Variants in SYNM observed in about 807,000 individuals in gnomAD.
The protein encoded by SYNM is synemin.
In SYNM, 95 loss-of-function variants were observed where a neutral mutation model predicts 104.0. That is an observed-to-expected ratio of 0.91 (90% CI 0.77 to 1.08). The LOEUF (loss-of-function observed/expected upper bound fraction) is 1.08, where lower values mean the gene tolerates loss of function less well. Ranked by LOEUF, SYNM falls within the 50% of genes least tolerant of loss-of-function variation. SYNM has a pLI of 0.00. For missense variants in SYNM, 2,150 were observed against 2,052.2 expected (o/e 1.05, Z -0.92); for synonymous variants, 918 against 869.0 (o/e 1.06, Z -0.99).
chr15:99,113,740 C>T (rs1555483647), intron 2 of SYNM, 25 bp downstream of exon 2: 2 of 1,612,192 alleles, frequency 1.2e-6, no homozygotes, highest in Admixed American at 1.7e-5. Context: ...CTGAGTTGGC[C>T]TTGACGAAGC....
At chr15:99,124,109 A>G (rs1310715297) in intron 2 of SYNM, among the ~76,000 whole-genome samples, 1 of 151,340 alleles carries the variant, frequency 6.6e-6, no homozygotes, top group Non-Finnish European at 1.5e-5. Flanking sequence ...CCCATGACTC[A>G]GGGGATTGGC....
intron 2 of SYNM, among the ~76,000 whole-genome samples, chr15:99,123,304 T>G (rs557615212): frequency 0.092 from 1,198 of 13,028 alleles, 52 homozygotes; most frequent in Admixed American, 0.3. Flanking sequence ...GATTATCTGG[T>G]TTTTTTTTTT....
At chr15:99,106,656 TG>T (rs1446773337) in intron 1 of SYNM, among the ~76,000 whole-genome samples, 1 of 152,134 alleles carries the variant, frequency 6.6e-6, no homozygotes, top group African/African-American at 2.4e-5. Context: ...TGTGGGAAAG[TG>T]GGGCCCTTTG....
chr15:99,126,636 T>C (rs1555485038), intron 2 of SYNM, 86 bp from the exon 3 acceptor site: 1 of 1,290,618 alleles, frequency 7.7e-7, no homozygotes, highest in African/African-American at 1.5e-5. Context: ...CTATGGTCAT[T>C]GGCCGCATAC....
chr15:99,133,202 T>A lies in SYNM; in HGVS notation c.*144T>A. On this transcript the variant is annotated 3_prime_UTR_variant, in exon 4 of 4. Transcript: ENST00000336292. ...AAAGAGTACTCCCGGCATGGTCAAT[T>A]TCCTTTATAGTTAATCCGTAAAGGT... 1 of 1,441,236 alleles carries A rather than the reference T, an allele frequency of 6.9e-7. No homozygotes were observed. The highest frequency in any genetic ancestry group is 2.5e-5 in the East Asian group (1 of 40,288). The allele number at this position is 1,441,236 out of a possible 1,614,324, so 89.3% of individuals were successfully genotyped here. A position where few individuals can be genotyped will look rare whatever the true frequency, so the allele number is the denominator to read the frequency against.
At chr15:99,111,389 T>G (rs2151799666) in intron 1 of SYNM, among the ~76,000 whole-genome samples, 1 of 152,338 alleles carries the variant, frequency 6.6e-6, no homozygotes, top group South Asian at 2.1e-4. Flanking sequence ...ATGAGAACCT[T>G]GTACCTGAAT....
downstream of SYNM, chr15:99,137,851 G>C (rs112221342): frequency 4.8e-5 from 56 of 1,172,708 alleles, no homozygotes; most frequent in Admixed American, 6.2e-4. Flanking sequence ...TGTGGCCCAC[G>C]GGAGGCTTAT....
chr15:99,137,768 C>A, downstream of SYNM: 3 of 553,394 alleles, frequency 5.4e-6, no homozygotes, highest in Non-Finnish European at 9.1e-6. Flanking sequence ...TTCTTGTTGG[C>A]AAGAAAAACC....
chr15:99,111,823 T>A (rs918817435), intron 1 of SYNM, among the ~76,000 whole-genome samples: 7 of 152,286 alleles, frequency 4.6e-5, no homozygotes, highest in African/African-American at 1.7e-4. Context: ...GGCGGGAGGA[T>A]CACCTGAGGT....
At chr15:99,127,501 T>C (rs1399428918) in intron 3 of SYNM, among the ~76,000 whole-genome samples, 2 of 152,152 alleles carry the variant, frequency 1.3e-5, no homozygotes, top group African/African-American at 4.8e-5. Flanking sequence ...ACGTATAGAA[T>C]GTTGAGTTCA....
Position 99,114,082 on chromosome 15 carries a change from G to C in SYNM, c.935+367G>C, listed in dbSNP as rs540923117. 2.1e-5 allele frequency among the ~76,000 whole-genome samples: 3 copies of C among 142,322 alleles called. No homozygotes were observed. The South Asian group carries it at 6.8e-4, about 32-fold the overall frequency. The allele number at this position is 142,322 out of a possible 152,430, so 93.4% of individuals were successfully genotyped here. A position where few individuals can be genotyped will look rare whatever the true frequency, so the allele number is the denominator to read the frequency against. On this transcript the variant is annotated intron_variant, in intron 2 of 3. Coordinates refer to ENST00000336292, the MANE Select transcript of SYNM (RefSeq NM_145728.3). The stretch of plus-strand genomic sequence containing the variant: ...CTCAGAGAAGTTACAGAACTGGAAA[G>C]TGGAGGGCCAGGATGTGTTAGTGTG...
In SYNM at chr15:99,105,482, C is replaced by G. The variant is rs1555482429; in HGVS notation, c.283C>G (p.Leu95Val). 7.4e-7 allele frequency: 1 copy of G among 1,358,710 alleles called. No homozygotes were observed. The highest frequency in any genetic ancestry group is 1.5e-5 in the African/African-American group (1 of 65,338). 84.2% of individuals were successfully genotyped at this position (1,358,710 alleles called of 1,614,324 possible). Residue 95 changes from leucine to valine, a missense_variant, in exon 1 of 4, where the codon CTG becomes GTG. By Grantham distance (32) the Leu-to-Val change is conservative (BLOSUM62 1). Transcript: ENST00000336292. ...RDALRRELRE[L>V]QRLDAEERAA... ...CGCTCTGCGGCGCGAGCTGCGGGAG[C>G]TGCAGCGCCTGGATGCGGAGGAGCG... is the stretch of plus-strand genomic sequence containing the variant.
At chr15:99,110,930 C>T (rs1555483356) in intron 1 of SYNM, among the ~76,000 whole-genome samples, 1 of 152,210 alleles carries the variant, frequency 6.6e-6, no homozygotes. Context: ...AAGTTTTATT[C>T]CACAGCAGGA....
rs2067216944 is a variant in SYNM, at chr15:99,105,138, C to G, written c.-62C>G. The G allele has an allele frequency of 8.5e-6, 13 of 1,522,128 alleles. No individual in the cohort carries two copies. The highest frequency in any genetic ancestry group is 2.0e-5 in the Admixed American group (1 of 51,042). The allele number at this position is 1,522,128 out of a possible 1,614,324, so 94.3% of individuals were successfully genotyped here. On this transcript the variant is annotated 5_prime_UTR_variant, in exon 1 of 4. Coordinates refer to ENST00000336292, the MANE Select transcript of SYNM (RefSeq NM_145728.3). ...GAGCGTCGCGGCGGAGAGGACGAGA[C>G]CGGGACAAGACCAGGGCAGGAGGGA...
chr15:99,137,741 G>A (rs1194662392), downstream of SYNM: 1 of 459,334 alleles, frequency 2.2e-6, no homozygotes, highest in African/African-American at 2.0e-5. Context: ...AGCCACAGTA[G>A]TGCTGATGGG....
Position 99,105,656 on chromosome 15 carries a change from A to C in SYNM, c.457A>C (p.Arg153=), listed in dbSNP as rs11014. The stretch of plus-strand genomic sequence containing the variant: ...CGACGCGGCCCACGAACGCGACGTG[A>C]GGGAGCTGCGCGCGCGCGCCGCCAG... ...GLDAAHERDV[R]ELRARAASLT... The change falls in exon 1 of 4, where the codon AGG becomes CGG. Residue 153 remains arginine, a synonymous_variant. Coordinates refer to ENST00000336292, the MANE Select transcript of SYNM (RefSeq NM_145728.3). 0.34 allele frequency: 476,479 copies of C among 1,404,646 alleles called. 84,670 individuals are homozygous for C. Among genetic ancestry groups the C allele is most frequent in the African/African-American group, 0.61 (39,813 of 65,608 alleles). The allele number at this position is 1,404,646 out of a possible 1,614,324, so 87.0% of individuals were successfully genotyped here.
chr15:99,141,636 C>T, the SYNM span, among the ~76,000 whole-genome samples: 1 of 152,158 alleles, frequency 6.6e-6, no homozygotes, highest in Non-Finnish European at 1.5e-5. Context: ...TGGGGACTTA[C>T]TACTGAAGCC....
rs374365345 is a variant in SYNM, at chr15:99,126,967, A to G, written c.1006+175A>G. 3.0e-4 allele frequency among the ~76,000 whole-genome samples: 46 copies of G among 152,188 alleles called. 3 individuals carry two copies. The highest frequency in any genetic ancestry group is 1.9e-3 in the Admixed American group (29 of 15,284). ...TTTAGTTTAGTGTGACATAATTTCA[A>G]TTATGTGAATGAGAATGTTTGGGAA... On this transcript the variant is annotated intron_variant, in intron 3 of 3. Transcript: ENST00000336292.
chr15:99,113,786 C>A, intron 2 of SYNM, 71 bp downstream of exon 2: 1 of 1,578,004 alleles, frequency 6.3e-7, no homozygotes, highest in South Asian at 1.2e-5. Context: ...GGAAACTGGT[C>A]TAGGGACCGT....
Sources: allele counts gnomAD v4.1 joint callset (sites outside exome capture counted in the v4.1 genomes callset), GRCh38; gene constraint gnomAD v4.1.1; transcripts MANE v1.5; gene names NCBI Gene and HGNC (gene_info 2026-07-23, HGNC 2026-07-21).